Variants in PHTF2 observed in about 807,000 individuals in gnomAD.
The protein encoded by PHTF2 is protein PHTF2.
A neutral mutation model predicts 101.2 loss-of-function variants in PHTF2; 60 were observed. That is an observed-to-expected ratio of 0.59 (90% CI 0.48 to 0.73). The LOEUF (loss-of-function observed/expected upper bound fraction) is 0.73. Ranked by LOEUF, PHTF2 falls within the 30% of genes least tolerant of loss-of-function variation. PHTF2 has a pLI of 0.00. For synonymous variants in PHTF2, 311 were observed against 307.3 expected (o/e 1.01, Z -0.13); for missense variants, 747 against 908.7 (o/e 0.82, Z 2.29).
chr7:77,954,757 G>C, intron 19 of PHTF2, 101 bp from the exon 19 acceptor site: 1 of 666,900 alleles, frequency 1.5e-6, no homozygotes, highest in East Asian at 2.9e-5. Context: ...AACTGCACTT[G>C]TTTGTGAATG....
At chr7:77,955,151 A>T (rs910701027) in exon 20 of PHTF2, 1 of 229,466 alleles carries the variant, frequency 4.4e-6, no homozygotes. Context: ...GATCCTGGTA[A>T]TTGGTCATAA....
At chr7:77,864,329 A>AT (rs139031899) in intron 3 of PHTF2, among the ~76,000 whole-genome samples, 2,046 of 152,188 alleles carry the variant, frequency 0.013, 50 homozygotes, top group African/African-American at 0.046. Context: ...CCAGTTAAAT[A>AT]TTTTTTCTCA....
chr7:77,799,773 C>T (rs1289126622), intron 1 of PHTF2, among the ~76,000 whole-genome samples: 1 of 152,126 alleles, frequency 6.6e-6, no homozygotes, highest in African/African-American at 2.4e-5. Context: ...CAAGGAACTG[C>T]CTTATACTAA....
intron 2 of PHTF2, among the ~76,000 whole-genome samples, chr7:77,853,719 T>G (rs1319125782): frequency 6.6e-6 from 1 of 151,972 alleles, no homozygotes; most frequent in Admixed American, 6.6e-5. Context: ...TTTTTTTCTC[T>G]CTCTCTCTTT....
At chr7:77,848,987 C>G (rs1796523565) in intron 2 of PHTF2, among the ~76,000 whole-genome samples, 2 of 152,246 alleles carry the variant, frequency 1.3e-5, no homozygotes, top group South Asian at 4.1e-4. Flanking sequence ...TTGAAGAGAA[C>G]ATCCATCGTG....
At chr7:77,858,289 A>G (rs1340168319) in intron 3 of PHTF2, among the ~76,000 whole-genome samples, 1 of 152,192 alleles carries the variant, frequency 6.6e-6, no homozygotes, top group African/African-American at 2.4e-5. Flanking sequence ...CAGTTTGGGT[A>G]TCTGTAGCCT....
intron 2 of PHTF2, among the ~76,000 whole-genome samples, 168 bp downstream of exon 2, chr7:77,840,468 A>AT (rs902463417): frequency 2.0e-5 from 3 of 152,164 alleles, no homozygotes; most frequent in Non-Finnish European, 4.4e-5. Context: ...GCTTAAACAT[A>AT]TTTTTTCTCT....
rs1225834908 is a variant in PHTF2 at position 77,844,580 on chromosome 7, A to G, written c.45+4280A>G. On this transcript the variant is annotated intron_variant, in intron 2 of 19. Transcript: ENST00000416283. The stretch of plus-strand genomic sequence containing the variant: ...TCACTCTTTCACCCTGGCTGGAGTC[A>G]GTGGTACGATCTTGGCTCACAGCAA... Among the ~76,000 whole-genome samples the G allele has an allele frequency of 2.6e-5, 4 of 152,222 alleles. No homozygotes were observed. The East Asian group carries it at 7.7e-4, about 29-fold the overall frequency.
intron 1 of PHTF2, among the ~76,000 whole-genome samples, chr7:77,814,320 A>G (rs1400038829): frequency 6.6e-6 from 1 of 152,218 alleles, no homozygotes; most frequent in East Asian, 1.9e-4. Context: ...ACCTTGTTTC[A>G]TATGTGTTTC....
At position 77,814,469 on chromosome 7, in the gene PHTF2, A is replaced by C. The variant is rs147286376; in HGVS notation, c.-36+15498A>C. Among the ~76,000 whole-genome samples the C allele has an allele frequency of 3.3e-5, 5 of 151,578 alleles. No individual in the cohort carries two copies. In the East Asian group the frequency reaches 9.7e-4, roughly 30 times the overall value. ...GTAAGACACATTAAATCGTTCTTGC[A>C]CTTAGGAGCACTAGGCCGCACTTCA... On this transcript the variant is annotated intron_variant, in intron 1 of 19. Transcript: ENST00000416283.
intron 3 of PHTF2, among the ~76,000 whole-genome samples, chr7:77,873,577 G>C (rs775343259): frequency 6.6e-6 from 1 of 152,084 alleles, no homozygotes; most frequent in Non-Finnish European, 1.5e-5. Context: ...TGCCTCAGGG[G>C]AGGCCATCAC....
intron 11 of PHTF2, among the ~76,000 whole-genome samples, chr7:77,925,848 G>A (rs188900587): frequency 0.021 from 3,124 of 152,046 alleles, 47 homozygotes; most frequent in Non-Finnish European, 0.029. Context: ...ACGAGGTCAA[G>A]AGATCAAGAC....
chr7:77,883,404 A>G (rs958641476), intron 3 of PHTF2, among the ~76,000 whole-genome samples: 2 of 152,000 alleles, frequency 1.3e-5, no homozygotes, highest in Non-Finnish European at 2.9e-5. Context: ...TATAGATATA[A>G]TTTTCTTTCA....
intron 2 of PHTF2, among the ~76,000 whole-genome samples, chr7:77,850,313 G>A (rs1204291035): frequency 7.6e-6 from 1 of 131,612 alleles, no homozygotes; most frequent in African/African-American, 2.9e-5. Context: ...AGCCATGTTT[G>A]TGCCACCACT....
chr7:77,940,548 C>T, exon 15 of PHTF2: 1 of 1,604,046 alleles, frequency 6.2e-7, no homozygotes, highest in Non-Finnish European at 8.5e-7. Context: ...TTGCAAAACT[C>T]TTTGGACATT....
At chr7:77,828,429 A>G (rs907117277) in intron 1 of PHTF2, among the ~76,000 whole-genome samples, 4 of 152,198 alleles carry the variant, frequency 2.6e-5, no homozygotes, top group African/African-American at 7.2e-5. Context: ...GAACCCTGAA[A>G]TTTAAAAAGT....
chr7:77,954,646 A>ATGTATGTGTATATATATATAT (rs567176874), intron 19 of PHTF2, among the ~76,000 whole-genome samples: 4 of 142,930 alleles, frequency 2.8e-5, no homozygotes, highest in African/African-American at 1.0e-4. Flanking sequence ...ATATATATAT[A>ATGTATGTGTATATATATATAT]GCCACTTCTC....
intron 11 of PHTF2, 110 bp downstream of exon 10, chr7:77,922,888 T>A: frequency 7.9e-7 from 1 of 1,271,792 alleles, no homozygotes; most frequent in Non-Finnish European, 1.1e-6. Flanking sequence ...CACATTATTA[T>A]CAATATTTAT....
At chr7:77,853,560 A>G (rs1562876950) in intron 2 of PHTF2, among the ~76,000 whole-genome samples, 1 of 151,702 alleles carries the variant, frequency 6.6e-6, no homozygotes. Context: ...TGCCCAGCTA[A>G]TTTTTTGTAT....
Sources: allele counts gnomAD v4.1 joint callset (sites outside exome capture counted in the v4.1 genomes callset), GRCh38; gene constraint gnomAD v4.1.1; transcripts MANE v1.5; gene names NCBI Gene and HGNC (gene_info 2026-07-23, HGNC 2026-07-21).